Variants in TMEM185B observed in about 807,000 individuals in gnomAD.
TMEM185B encodes transmembrane protein 185B.
In TMEM185B, 9 loss-of-function variants were observed where a neutral mutation model predicts 26.2. That is an observed-to-expected ratio of 0.34 (90% CI 0.21 to 0.60). The LOEUF (loss-of-function observed/expected upper bound fraction) is 0.60. Ranked by LOEUF, TMEM185B falls within the 20% of genes least tolerant of loss-of-function variation. The pLI, the probability that TMEM185B is intolerant of heterozygous loss-of-function variation, is 0.80. For missense variants in TMEM185B, 392 were observed against 447.9 expected (o/e 0.88, Z 1.13); for synonymous variants, 204 against 191.8 (o/e 1.06, Z -0.52).
In TMEM185B at chr2:120,221,925, T is replaced by A; in HGVS notation, c.1052A>T (p.Ter351LeuextTer99). The A allele has an allele frequency of 6.6e-7, 1 of 1,526,068 alleles. No homozygotes were observed. Among genetic ancestry groups the A allele is most frequent in the Non-Finnish European group, 8.8e-7 (1 of 1,142,526 alleles). 94.5% of individuals were successfully genotyped at this position (1,526,068 alleles called of 1,614,324 possible). The change falls in exon 1 of 1, where the codon TAA becomes TTA. Residue 351 changes from the stop codon to leucine (L), a stop_lost. Coordinates refer to ENST00000426077, the MANE Select transcript of TMEM185B (RefSeq NM_024121.3). Reference sequence around the variant, plus strand: ...TGTGCCTGGGTCCTCTCTAGGAGTTTAATCTGGCATATCAATATTTAACTT... The same window carrying A: ...TGTGCCTGGGTCCTCTCTAGGAGTTAAATCTGGCATATCAATATTTAACTT... ...PPKLNIDMPD[*>L]
In TMEM185B at chr2:120,219,460, G is replaced by C. The variant is rs994907320; in HGVS notation, c.*2464C>G. On this transcript the variant is annotated 3_prime_UTR_variant, in exon 1 of 1. Transcript: ENST00000426077. ...CTTTCCAACACCAGATAGCTTGGGG[G>C]AAGAGGAAGTTAAGATGGGCTGGGG... Among the ~76,000 whole-genome samples the C allele has an allele frequency of 6.6e-6, 1 of 152,032 alleles. No individual in the cohort carries two copies. The highest frequency in any genetic ancestry group is 6.6e-5 in the Admixed American group (1 of 15,262).
At position 120,219,094 on chromosome 2, in the gene TMEM185B, G is replaced by A. The variant is rs746543574; in HGVS notation, c.*2830C>T. 4.6e-5 allele frequency among the ~76,000 whole-genome samples: 7 copies of A among 152,210 alleles called. No individual in the cohort carries two copies. Among genetic ancestry groups the A allele is most frequent in the Non-Finnish European group, 8.8e-5 (6 of 68,036 alleles). On this transcript the variant is annotated 3_prime_UTR_variant, in exon 1 of 1. Coordinates refer to ENST00000426077, the MANE Select transcript of TMEM185B (RefSeq NM_024121.3). ...GACCCAGAATACGGGACATGTTGTG[G>A]AGCAGACGTGATCAGACCCCCAGCC... is the stretch of plus-strand genomic sequence containing the variant.
rs147234943 is a variant in TMEM185B at position 120,219,824 on chromosome 2, G to C, written c.*2100C>G. 2.5e-3 allele frequency among the ~76,000 whole-genome samples: 374 copies of C among 152,336 alleles called. 6 individuals are homozygous for C. Among genetic ancestry groups the C allele is most frequent in the African/African-American group, 8.3e-3 (347 of 41,572 alleles). On this transcript the variant is annotated 3_prime_UTR_variant, in exon 1 of 1. Coordinates refer to ENST00000426077, the MANE Select transcript of TMEM185B (RefSeq NM_024121.3). ...GTGGGTGCAGCTCACACTTCTCACC[G>C]TACAGGACACTTTGCATGGGCAGGG...
Position 120,217,680 on chromosome 2 carries a change from T to C in TMEM185B, c.*4244A>G, listed in dbSNP as rs1462369195. On this transcript the variant is annotated 3_prime_UTR_variant, in exon 1 of 1. Transcript: ENST00000426077. The stretch of plus-strand genomic sequence containing the variant: ...CATAGCTGCTTCCGCCTTCGGTCTG[T>C]TGCAGTATGGTATCCTGACTGAAGA... 6.6e-6 allele frequency among the ~76,000 whole-genome samples: 1 copy of C among 152,236 alleles called. No individual in the cohort carries two copies. The highest frequency in any genetic ancestry group is 1.5e-5 in the Non-Finnish European group (1 of 68,042).
chr2:120,218,964 A>C lies in TMEM185B; in HGVS notation c.*2960T>G, dbSNP rs577330204. ...CATGGCCATGTGTTGTGGCCAACAGAAAGTGAGCAGGGGCTGTATTTGTGC... is the reference window on the plus strand; with the variant it reads ...CATGGCCATGTGTTGTGGCCAACAGCAAGTGAGCAGGGGCTGTATTTGTGC... On this transcript the variant is annotated 3_prime_UTR_variant, in exon 1 of 1. Transcript: ENST00000426077. Among the ~76,000 whole-genome samples, 71 of 152,352 alleles carry C rather than the reference A, an allele frequency of 4.7e-4. No homozygotes were observed. The highest frequency in any genetic ancestry group is 1.7e-3 in the African/African-American group (70 of 41,576).
In TMEM185B at chr2:120,221,881, A is replaced by T; in HGVS notation, c.*43T>A. ...TTTGGGATGAATGAACAAGAGGCGA[A>T]GGCCAAGTGGAGTCTGTGTGTGCCT... On this transcript the variant is annotated 3_prime_UTR_variant, in exon 1 of 1. Coordinates refer to ENST00000426077, the MANE Select transcript of TMEM185B (RefSeq NM_024121.3). 1 of 1,427,794 alleles carries T rather than the reference A, an allele frequency of 7.0e-7. No individual in the cohort carries two copies. Among genetic ancestry groups the T allele is most frequent in the Non-Finnish European group, 9.2e-7 (1 of 1,084,164 alleles). The allele number at this position is 1,427,794 out of a possible 1,614,324, so 88.4% of individuals were successfully genotyped here. A position where few individuals can be genotyped will look rare whatever the true frequency, so the allele number is the denominator to read the frequency against.
Position 120,219,686 on chromosome 2 carries a change from G to A in TMEM185B, c.*2238C>T, listed in dbSNP as rs746289309. 5.9e-5 allele frequency among the ~76,000 whole-genome samples: 9 copies of A among 152,234 alleles called. No homozygotes were observed. The highest frequency in any genetic ancestry group is 8.8e-5 in the Non-Finnish European group (6 of 68,040). On this transcript the variant is annotated 3_prime_UTR_variant, in exon 1 of 1. Coordinates refer to ENST00000426077, the MANE Select transcript of TMEM185B (RefSeq NM_024121.3). ...CTTTGAGATATTCTTTAGGGGTGGA[G>A]GGGAGGCACTGGGCTCCTGAAAACA...
rs947377241 is a variant in TMEM185B at position 120,220,734 on chromosome 2, TCAAAACAAAA to T, written c.*1180_*1189del. On this transcript the variant is annotated 3_prime_UTR_variant, in exon 1 of 1. Transcript: ENST00000426077. ...TGGGCAACAAGAGTGAAACTCTGTCTCAAAACAAAACAAAACAAACAAACAAAAAAACAAA... is the reference window on the plus strand; with the variant it reads ...TGGGCAACAAGAGTGAAACTCTGTCTCAAAACAAACAAACAAAAAAACAAA... Among the ~76,000 whole-genome samples the T allele has an allele frequency of 1.3e-5, 2 of 152,014 alleles. No individual in the cohort carries two copies. The highest frequency in any genetic ancestry group is 2.9e-5 in the Non-Finnish European group (2 of 68,008).
chr2:120,222,613 C>A lies in TMEM185B; in HGVS notation c.364G>T (p.Val122Leu). 6.5e-7 allele frequency: 1 copy of A among 1,536,462 alleles called. No individual in the cohort carries two copies. The highest frequency in any genetic ancestry group is 8.7e-7 in the Non-Finnish European group (1 of 1,147,024). ...CAGGCAGCCACGGACACGGGGGACACGAAGAAGAGAGGCATGAAGACCAGC... is the reference window on the plus strand; with the variant it reads ...CAGGCAGCCACGGACACGGGGGACAAGAAGAAGAGAGGCATGAAGACCAGC... The part of the protein sequence containing the change: ...WLLVFMPLFF[V>L]SPVSVAACVW... Residue 122 changes from valine to leucine, a missense_variant, in exon 1 of 1, where the codon GTG (valine) becomes TTG (leucine). Val to Leu is a conservative substitution (Grantham distance 32). This residue lies in a region of TMEM185B where 175 missense variants were observed against 169.1 expected (regional missense o/e 1.03). Transcript: ENST00000426077.
Position 120,219,026 on chromosome 2 carries a change from T to C in TMEM185B, c.*2898A>G, listed in dbSNP as rs974398450. Among the ~76,000 whole-genome samples the C allele has an allele frequency of 3.9e-5, 6 of 152,130 alleles. No homozygotes were observed. Among genetic ancestry groups the C allele is most frequent in the Non-Finnish European group, 8.8e-5 (6 of 68,020 alleles). On this transcript the variant is annotated 3_prime_UTR_variant, in exon 1 of 1. Coordinates refer to ENST00000426077, the MANE Select transcript of TMEM185B (RefSeq NM_024121.3). ...GGCTTGGCCTCCTGTGCTTCTGCCATGAGAAAGAACACGGCCCAAGGTAAG... is the reference window on the plus strand; with the variant it reads ...GGCTTGGCCTCCTGTGCTTCTGCCACGAGAAAGAACACGGCCCAAGGTAAG...
rs1328504163 is a variant in TMEM185B at position 120,220,232 on chromosome 2, G to A, written c.*1692C>T. On this transcript the variant is annotated 3_prime_UTR_variant, in exon 1 of 1. Coordinates refer to ENST00000426077, the MANE Select transcript of TMEM185B (RefSeq NM_024121.3). ...CCAACAAGTTTGCCTCATGGCCAGGGCAAAGTGTGTGGAGCCCATTTGAGA... is the reference window on the plus strand; with the variant it reads ...CCAACAAGTTTGCCTCATGGCCAGGACAAAGTGTGTGGAGCCCATTTGAGA... Among the ~76,000 whole-genome samples, 4 of 152,244 alleles carry A rather than the reference G, an allele frequency of 2.6e-5. No homozygotes were observed. Among genetic ancestry groups the A allele is most frequent in the Non-Finnish European group, 4.4e-5 (3 of 68,052 alleles).
rs1411219120 is a variant in TMEM185B at position 120,221,321 on chromosome 2, A to G, written c.*603T>C. 6.6e-6 allele frequency: 1 copy of G among 152,296 alleles called. No individual in the cohort carries two copies. Among genetic ancestry groups the G allele is most frequent in the African/African-American group, 2.4e-5 (1 of 41,470 alleles). The allele number at this position is 152,296 out of a possible 1,614,324, so 9.4% of individuals were successfully genotyped here. A position where few individuals can be genotyped will look rare whatever the true frequency, so the allele number is the denominator to read the frequency against. On this transcript the variant is annotated 3_prime_UTR_variant, in exon 1 of 1. Transcript: ENST00000426077. ...CTTTAACGTAATAATGGTAATGCAGAGAACTAGAATTCAACATATTACACT... is the reference window on the plus strand; with the variant it reads ...CTTTAACGTAATAATGGTAATGCAGGGAACTAGAATTCAACATATTACACT...
chr2:120,218,299 GGCTCCCTTTTTGTGGGTGTCAT>G lies in TMEM185B; in HGVS notation c.*3603_*3624del, dbSNP rs1255781038. On this transcript the variant is annotated 3_prime_UTR_variant, in exon 1 of 1. Coordinates refer to ENST00000426077, the MANE Select transcript of TMEM185B (RefSeq NM_024121.3). ...TCGCAGCAGCAGGGGTGCAGCTGGA[GGCTCCCTTTTTGTGGGTGTCAT>G]GCTGTCAGTGGTGGTGGCTGTGGCA... 6.6e-5 allele frequency among the ~76,000 whole-genome samples: 10 copies of G among 152,338 alleles called. No homozygotes were observed. The East Asian group carries it at 1.7e-3, about 26-fold the overall frequency.
In TMEM185B at chr2:120,222,939, C is replaced by A; in HGVS notation, c.38G>T (p.Ser13Ile). ...PRGLFQDFNPSKFLIYTCLLL... is the reference protein window; with the variant it reads ...PRGLFQDFNPIKFLIYTCLLL... ...CAGGCAGGTGTAGATGAGAAACTTA[C>A]TGGGGTTGAAGTCCTGGAACAGGCC... Residue 13 changes from serine (S) to isoleucine (I), a missense_variant, in exon 1 of 1, where the codon AGT becomes ATT. Around this residue, in one of 3 missense-constraint regions of TMEM185B, gnomAD observed 175 missense variants for 169.1 expected, o/e 1.03. Transcript: ENST00000426077. The A allele has an allele frequency of 6.9e-7, 1 of 1,445,192 alleles. No individual in the cohort carries two copies. Among genetic ancestry groups the A allele is most frequent in the Non-Finnish European group, 9.0e-7 (1 of 1,105,500 alleles). 89.5% of individuals were successfully genotyped at this position (1,445,192 alleles called of 1,614,324 possible). A position where few individuals can be genotyped will look rare whatever the true frequency, so the allele number is the denominator to read the frequency against.
rs565812670 is a variant in TMEM185B at position 120,220,518 on chromosome 2, G to A, written c.*1406C>T. Among the ~76,000 whole-genome samples, 1 of 152,332 alleles carries A rather than the reference G, an allele frequency of 6.6e-6. No homozygotes were observed. Among genetic ancestry groups the A allele is most frequent in the South Asian group, 2.1e-4 (1 of 4,826 alleles). ...GGCCAAGGCGGGCAGATCACCTCAA[G>A]TCAGGAGTTTGAGACCAGCCTGACC... On this transcript the variant is annotated 3_prime_UTR_variant, in exon 1 of 1. Coordinates refer to ENST00000426077, the MANE Select transcript of TMEM185B (RefSeq NM_024121.3).
At position 120,223,007 on chromosome 2, in the gene TMEM185B, T is replaced by A; in HGVS notation, c.-31A>T. 1 of 1,365,000 alleles carries A rather than the reference T, an allele frequency of 7.3e-7. No individual in the cohort carries two copies. Among genetic ancestry groups the A allele is most frequent in the Non-Finnish European group, 9.4e-7 (1 of 1,060,558 alleles). 84.6% of individuals were successfully genotyped at this position (1,365,000 alleles called of 1,614,324 possible). A position where few individuals can be genotyped will look rare whatever the true frequency, so the allele number is the denominator to read the frequency against. ...AGGCCGCCGCTTGCCTGCCCGGGCC[T>A]GCTCCCTCGCGACGCTCGGCGCTCG... On this transcript the variant is annotated 5_prime_UTR_variant, in exon 1 of 1. Transcript: ENST00000426077.
rs539650682 is a variant in TMEM185B at position 120,220,479 on chromosome 2, C to A, written c.*1445G>T. ...GGTGCAGTGGTTCCCGCCTGTAATC[C>A]CAGCACTTTGGGAGGCCAAGGCGGG... is the stretch of plus-strand genomic sequence containing the variant. On this transcript the variant is annotated 3_prime_UTR_variant, in exon 1 of 1. Transcript: ENST00000426077. 6.6e-6 allele frequency among the ~76,000 whole-genome samples: 1 copy of A among 152,230 alleles called. No homozygotes were observed. The highest frequency in any genetic ancestry group is 1.5e-5 in the Non-Finnish European group (1 of 68,038).
In TMEM185B at chr2:120,222,200, G is replaced by A. The variant is rs751748275; in HGVS notation, c.777C>T (p.Ala259=). The change falls in exon 1 of 1, where the codon GCC becomes GCT. Residue 259 remains alanine (A), a synonymous_variant. Transcript: ENST00000426077. ...PLWLSLLTLM[A]TTFRRKGGNH... Reference sequence around the variant, plus strand: ...TGCCCCCCTTTCGCCTAAATGTTGTGGCCATTAAAGTTAGTAAGGAAAGCC... The same window carrying A: ...TGCCCCCCTTTCGCCTAAATGTTGTAGCCATTAAAGTTAGTAAGGAAAGCC... 26 of 1,541,368 alleles carry A rather than the reference G, an allele frequency of 1.7e-5. No individual in the cohort carries two copies. The highest frequency in any genetic ancestry group is 2.0e-5 in the Non-Finnish European group (23 of 1,148,124).
In TMEM185B at chr2:120,223,249, T is replaced by G; in HGVS notation, c.-273A>C. The G allele has an allele frequency of 3.8e-6, 1 of 264,810 alleles. No individual in the cohort carries two copies. Among genetic ancestry groups the G allele is most frequent in the Non-Finnish European group, 7.1e-6 (1 of 141,068 alleles). 16.4% of individuals were successfully genotyped at this position (264,810 alleles called of 1,614,324 possible). On this transcript the variant is annotated 5_prime_UTR_variant, in exon 1 of 1. Transcript: ENST00000426077. ...GGTTACAAACTGGGCGCTGCCTCGG[T>G]CCCGCCGCCGCCCGCGTTCACTCCG...
Sources: allele counts gnomAD v4.1 joint callset (sites outside exome capture counted in the v4.1 genomes callset), GRCh38; gene constraint gnomAD v4.1.1; regional missense constraint gnomAD v4.1.1; transcripts MANE v1.5; gene names NCBI Gene and HGNC (gene_info 2026-07-23, HGNC 2026-07-21).